Variants in CLSTN1 observed in about 807,000 individuals in gnomAD.
CLSTN1 encodes calsyntenin 1, also known as calsyntenin-1.
CLSTN1 carries 28 observed loss-of-function variants against 108.3 expected under a neutral mutation model. That is an observed-to-expected ratio of 0.26 (90% CI 0.19 to 0.35). The LOEUF (loss-of-function observed/expected upper bound fraction) is 0.35. Ranked by LOEUF, CLSTN1 falls within the 10% of genes least tolerant of loss-of-function variation. The pLI is 1.00. For missense variants in CLSTN1, 1,157 were observed against 1,302.6 expected (o/e 0.89, Z 1.72); for synonymous variants, 524 against 534.9 (o/e 0.98, Z 0.28).
At chr1:9,739,814 AT>A (rs35078301) in intron 10 of CLSTN1, among the ~76,000 whole-genome samples, 16,201 of 122,736 alleles carry the variant, frequency 0.13, 784 homozygotes, top group African/African-American at 0.24. Flanking sequence ...GCAATAGGGC[AT>A]TTTTTTTTTT....
intron 1 of CLSTN1, among the ~76,000 whole-genome samples, chr1:9,815,826 C>T (rs1213708233): frequency 6.6e-6 from 1 of 152,142 alleles, no homozygotes; most frequent in African/African-American, 2.4e-5. Flanking sequence ...ATCCCAGCTA[C>T]TCGGGAGGCT....
intron 1 of CLSTN1, among the ~76,000 whole-genome samples, chr1:9,810,175 G>A (rs953448293): frequency 1.1e-4 from 16 of 145,594 alleles, no homozygotes; most frequent in African/African-American, 3.3e-4. Context: ...GGGAGGGAAG[G>A]CAGGCAAGCA....
At chr1:9,754,376 A>G (rs1339825418) in intron 4 of CLSTN1, among the ~76,000 whole-genome samples, 1 of 152,110 alleles carries the variant, frequency 6.6e-6, no homozygotes. Flanking sequence ...CCTGGCCAAC[A>G]TGGTGAAACC....
In CLSTN1 at chr1:9,730,984, G is replaced by T. The variant is rs761085041; in HGVS notation, c.2748+222C>A. The T allele has an allele frequency of 2.7e-5, 17 of 637,614 alleles. No individual in the cohort carries two copies. The highest frequency in any genetic ancestry group is 4.3e-5 in the Non-Finnish European group (16 of 368,810). 39.5% of individuals were successfully genotyped at this position (637,614 alleles called of 1,614,324 possible). A position where few individuals can be genotyped will look rare whatever the true frequency, so the allele number is the denominator to read the frequency against. On this transcript the variant is annotated intron_variant, in intron 18 of 18. Transcript: ENST00000377298. The surrounding 1 kb of genome is among the most constrained non-coding windows in gnomAD (Gnocchi z 5.6). The stretch of plus-strand genomic sequence containing the variant: ...CTCAGGATTACCATGACCCAAGAGC[G>T]CCAAGCCCTGGCATGGCTCTTCTCT...
chr1:9,792,895 C>T (rs982593846), intron 1 of CLSTN1, among the ~76,000 whole-genome samples: 2 of 151,262 alleles, frequency 1.3e-5, no homozygotes, highest in African/African-American at 4.8e-5. Flanking sequence ...TTTTGTGAAA[C>T]GGAGTGAGAA....
At chr1:9,761,091 C>T (rs1427100158) in intron 2 of CLSTN1, among the ~76,000 whole-genome samples, 1 of 152,068 alleles carries the variant, frequency 6.6e-6, no homozygotes, top group African/African-American at 2.4e-5. Context: ...CCCAGACAAC[C>T]TCTCCAGTTA....
chr1:9,732,085 CAAAG>C (rs972679521), intron 16 of CLSTN1, among the ~76,000 whole-genome samples, 189 bp from the exon 17 acceptor site: 19 of 151,750 alleles, frequency 1.3e-4, no homozygotes, highest in African/African-American at 4.3e-4. Flanking sequence ...AAAACAAAAA[CAAAG>C]AAAAAGAAAC....
chr1:9,743,791 C>G (rs1651102028), intron 9 of CLSTN1, 93 bp downstream of exon 9: 2 of 1,462,380 alleles, frequency 1.4e-6, no homozygotes, highest in Non-Finnish European at 1.9e-6. Context: ...CCCCTGGGCT[C>G]AAGCAATCCT....
chr1:9,755,441 G>T, intron 3 of CLSTN1, 132 bp from the exon 4 acceptor site: 1 of 685,942 alleles, frequency 1.5e-6, no homozygotes, highest in Non-Finnish European at 2.4e-6. Context: ...TGGAGGGTCC[G>T]TGGACAAAGC....
At chr1:9,809,641 G>A (rs573753846) in intron 1 of CLSTN1, among the ~76,000 whole-genome samples, 4 of 152,128 alleles carry the variant, frequency 2.6e-5, no homozygotes, top group East Asian at 1.9e-4. Context: ...AGTGGCTCAC[G>A]TCTGTAATCT....
At chr1:9,804,661 A>G (rs899341508) in intron 1 of CLSTN1, among the ~76,000 whole-genome samples, 3 of 152,180 alleles carry the variant, frequency 2.0e-5, no homozygotes, top group Non-Finnish European at 2.9e-5. Flanking sequence ...CCTGGGCAAC[A>G]CAGTGAAATC....
At chr1:9,793,465 C>T (rs543627189) in intron 1 of CLSTN1, among the ~76,000 whole-genome samples, 3 of 151,616 alleles carry the variant, frequency 2.0e-5, no homozygotes, top group South Asian at 4.3e-4. Context: ...GCCCCCGCTT[C>T]GAATCTGAGA....
intron 3 of CLSTN1, 93 bp downstream of exon 3, chr1:9,756,388 A>G: frequency 1.0e-6 from 1 of 952,640 alleles, no homozygotes; most frequent in South Asian, 1.4e-5. Context: ...AAAGAGCATG[A>G]CAGTTTCTCC....
intron 1 of CLSTN1, among the ~76,000 whole-genome samples, chr1:9,774,529 G>A (rs1050331816): frequency 2.6e-5 from 4 of 151,480 alleles, no homozygotes; most frequent in East Asian, 1.9e-4. Context: ...TCACGCCACC[G>A]CACTCCAGAC....
chr1:9,734,047 G>C lies in CLSTN1; in HGVS notation c.2206C>G (p.Leu736Val). Residue 736 changes from leucine (L) to valine (V), a missense_variant, in exon 15 of 19, where the codon CTG (leucine) becomes GTG (valine). Leu to Val is a conservative substitution (Grantham distance 32, BLOSUM62 1). Transcript: ENST00000377298. This position sits in a 1 kb window ranked among gnomAD's most constrained non-coding sequence, Gnocchi z 4.8. ...TGCAGGCGGGCCATGTCCACCTCCA[G>C]GCTCTCCTGCTCGTGGTTCAGCTCC... ...GEELNHEQESLEVDMARLQQK... is the reference protein window; with the variant it reads ...GEELNHEQESVEVDMARLQQK... 6.2e-7 allele frequency: 1 copy of C among 1,614,190 alleles called. No homozygotes were observed. Among genetic ancestry groups the C allele is most frequent in the Non-Finnish European group, 8.5e-7 (1 of 1,180,044 alleles).
At chr1:9,771,908 T>C (rs1209622468) in intron 2 of CLSTN1, among the ~76,000 whole-genome samples, 1 of 152,038 alleles carries the variant, frequency 6.6e-6, no homozygotes, top group East Asian at 1.9e-4. Flanking sequence ...CAACTTACTA[T>C]AGTAAAATTA....
At chr1:9,812,589 G>A (rs1412943371) in intron 1 of CLSTN1, among the ~76,000 whole-genome samples, 1 of 152,198 alleles carries the variant, frequency 6.6e-6, no homozygotes, top group Non-Finnish European at 1.5e-5. Context: ...GCTCATGCCT[G>A]TAATCCCAGC....
At chr1:9,737,428 A>C in intron 11 of CLSTN1, 70 bp downstream of exon 11, 42 of 1,381,164 alleles carry the variant, frequency 3.0e-5, no homozygotes, top group Non-Finnish European at 4.0e-5. Context: ...GTTTCATGCG[A>C]CACGTGGAAT....
intron 1 of CLSTN1, among the ~76,000 whole-genome samples, chr1:9,819,629 A>G (rs947747531): frequency 6.6e-6 from 1 of 152,194 alleles, no homozygotes; most frequent in African/African-American, 2.4e-5. Flanking sequence ...TTTTCTCCCA[A>G]AAGAAATATC....
Sources: gnomAD v4.1 joint callset for allele counts (sites outside exome capture counted in the v4.1 genomes callset) on GRCh38, gnomAD v4.1.1 for gene constraint, Gnocchi (gnomAD v3.1) non-coding constraint, MANE v1.5 for transcripts, NCBI Gene and HGNC (gene_info 2026-07-23, HGNC 2026-07-21) for gene names.